The following CSRNP3 variants were observed in gnomAD, a reference collection of about 807,000 sequenced individuals.
CSRNP3 encodes the protein cysteine/serine-rich nuclear protein 3.
In CSRNP3, 12 loss-of-function variants were observed where a neutral mutation model predicts 48.0. The ratio of observed to expected loss-of-function variants is 0.25; its 90% CI spans 0.16 to 0.41. The LOEUF (loss-of-function observed/expected upper bound fraction) is 0.41, where lower values mean the gene tolerates loss of function less well. Ranked by LOEUF, CSRNP3 falls within the 10% of genes least tolerant of loss-of-function variation. The pLI is 1.00. For missense variants in CSRNP3, 580 were observed against 724.4 expected (o/e 0.80, Z 2.29); for synonymous variants, 263 against 269.7 (o/e 0.98, Z 0.24).
chr2:165,635,325 A>G (rs555826120), intron 4 of CSRNP3, among the ~76,000 whole-genome samples: 4 of 152,352 alleles, frequency 2.6e-5, no homozygotes, highest in African/African-American at 9.6e-5. Context: ...TCAACACCAC[A>G]TAGGACAATC....
At chr2:165,478,732 A>T (rs1424461555) in intron 1 of CSRNP3, among the ~76,000 whole-genome samples, 4 of 152,216 alleles carry the variant, frequency 2.6e-5, no homozygotes, top group Non-Finnish European at 5.9e-5. Context: ...TAAAGAGCAC[A>T]GTCTACGGAG....
chr2:165,653,495 C>T (rs1415958327), intron 4 of CSRNP3, among the ~76,000 whole-genome samples: 1 of 152,170 alleles, frequency 6.6e-6, no homozygotes, highest in East Asian at 1.9e-4. Context: ...CTTAGAAAAT[C>T]ACTTCCAAAC....
At chr2:165,513,117 A>C (rs72876197) in intron 2 of CSRNP3, among the ~76,000 whole-genome samples, 1 of 151,922 alleles carries the variant, frequency 6.6e-6, no homozygotes, top group African/African-American at 2.4e-5. Context: ...AAAGAAAAAA[A>C]AATAGGGTCA....
At chr2:165,528,282 C>T (rs953504157) in intron 3 of CSRNP3, among the ~76,000 whole-genome samples, 3 of 152,084 alleles carry the variant, frequency 2.0e-5, no homozygotes, top group Admixed American at 6.5e-5. Flanking sequence ...ATTTCTTCAT[C>T]CTATTAACTG....
chr2:165,594,943 C>G (rs1685784909), intron 3 of CSRNP3, 100 bp from the exon 4 acceptor site: 4 of 956,486 alleles, frequency 4.2e-6, no homozygotes, highest in Non-Finnish European at 6.3e-6. Flanking sequence ...TATAGCTCAG[C>G]TCATGTATAA....
intron 2 of CSRNP3, among the ~76,000 whole-genome samples, chr2:165,511,298 AG>A (rs1684502484): frequency 6.6e-6 from 1 of 152,202 alleles, no homozygotes; most frequent in Non-Finnish European, 1.5e-5. Context: ...CCAGAGAATT[AG>A]GGTGATAGTG....
intron 2 of CSRNP3, among the ~76,000 whole-genome samples, chr2:165,500,417 A>G (rs1164469011): frequency 8.4e-6 from 1 of 119,130 alleles, no homozygotes; most frequent in African/African-American, 3.6e-5. Flanking sequence ...ATACATATAT[A>G]TATACACACA....
chr2:165,683,167 C>A lies in CSRNP3; in HGVS notation c.*3414C>A, dbSNP rs1473996171. The stretch of plus-strand genomic sequence containing the variant: ...ATCTCTTGATCATTAATTATTAAGA[C>A]ATGGGTAAAATTCATTTGTCTCATG... On this transcript the variant is annotated 3_prime_UTR_variant, in exon 7 of 7. Transcript: ENST00000651982. 6.6e-6 allele frequency: 1 copy of A among 152,068 alleles called. No individual in the cohort carries two copies. Among genetic ancestry groups the A allele is most frequent in the Non-Finnish European group, 1.5e-5 (1 of 67,994 alleles). 9.4% of individuals were successfully genotyped at this position (152,068 alleles called of 1,614,324 possible).
intron 5 of CSRNP3, among the ~76,000 whole-genome samples, chr2:165,660,721 A>G (rs1301114278): frequency 6.6e-6 from 1 of 152,168 alleles, no homozygotes; most frequent in Non-Finnish European, 1.5e-5. Context: ...CTCTATTACT[A>G]ATTTGTTTTT....
At chr2:165,586,325 T>G (rs938058265) in intron 3 of CSRNP3, among the ~76,000 whole-genome samples, 1 of 152,216 alleles carries the variant, frequency 6.6e-6, no homozygotes, top group African/African-American at 2.4e-5. Context: ...TGTACGTGGT[T>G]CTAATCCAGG....
chr2:165,520,794 T>TATA (rs1684646574), intron 3 of CSRNP3, among the ~76,000 whole-genome samples: 1 of 23,188 alleles, frequency 4.3e-5, no homozygotes, highest in Non-Finnish European at 6.9e-5. Flanking sequence ...TATATATATA[T>TATA]ATATATATAT....
chr2:165,544,057 A>T (rs188944347), intron 3 of CSRNP3, among the ~76,000 whole-genome samples: 55 of 152,090 alleles, frequency 3.6e-4, no homozygotes, highest in African/African-American at 1.1e-3. Context: ...TATGTAAAAT[A>T]TACAGAATAT....
chr2:165,650,605 T>C (rs1686888472), intron 4 of CSRNP3, among the ~76,000 whole-genome samples: 1 of 152,226 alleles, frequency 6.6e-6, no homozygotes, highest in South Asian at 2.1e-4. Flanking sequence ...GCTTCCTGGT[T>C]TGATAACAGA....
At chr2:165,615,651 A>C (rs1686227274) in intron 4 of CSRNP3, among the ~76,000 whole-genome samples, 1 of 151,362 alleles carries the variant, frequency 6.6e-6, no homozygotes, top group Non-Finnish European at 1.5e-5. Context: ...CTTAAAATCT[A>C]TTTTGTCTGA....
chr2:165,642,854 G>C (rs149666722), intron 4 of CSRNP3, among the ~76,000 whole-genome samples: 309 of 152,222 alleles, frequency 2.0e-3, no homozygotes, highest in Middle Eastern at 6.8e-3. Flanking sequence ...GAGCCACCAC[G>C]CCCAGCTTGC....
intron 3 of CSRNP3, among the ~76,000 whole-genome samples, chr2:165,552,694 A>G (rs1685113335): frequency 6.6e-6 from 1 of 151,440 alleles, no homozygotes; most frequent in African/African-American, 2.4e-5. Context: ...TAATTTATCT[A>G]TTTTTTATTT....
chr2:165,672,459 A>G (rs1435840307), intron 5 of CSRNP3, among the ~76,000 whole-genome samples: 7 of 152,254 alleles, frequency 4.6e-5, no homozygotes, highest in Non-Finnish European at 1.0e-4. Context: ...GTTTCCCCTT[A>G]TGAAACCATC....
chr2:165,658,035 C>T lies in CSRNP3; in HGVS notation c.408+15C>T, dbSNP rs1412924132. ...TAAAACTAAAGGTAAAAAACAAACT[C>T]ATTTTCTGCAAAGTCTCATATCCTT... On this transcript the variant is annotated intron_variant, in intron 5 of 6. Transcript: ENST00000651982. 1.2e-6 allele frequency: 2 copies of T among 1,601,482 alleles called. No individual in the cohort carries two copies. The highest frequency in any genetic ancestry group is 1.7e-6 in the Non-Finnish European group (2 of 1,171,974).
At chr2:165,539,039 T>C (rs188507872) in intron 3 of CSRNP3, among the ~76,000 whole-genome samples, 14 of 152,106 alleles carry the variant, frequency 9.2e-5, no homozygotes, top group Non-Finnish European at 2.1e-4. Flanking sequence ...AAAAGTACGA[T>C]GTTATTTAAG....
Sources: gnomAD v4.1 joint callset for allele counts (sites outside exome capture counted in the v4.1 genomes callset) on GRCh38, gnomAD v4.1.1 for gene constraint, MANE v1.5 for transcripts, NCBI Gene and HGNC (gene_info 2026-07-23, HGNC 2026-07-21) for gene names.